Variants in XKR9 observed in about 807,000 individuals in gnomAD.
XKR9 encodes XK-related protein 9.
A neutral mutation model predicts 32.0 loss-of-function variants in XKR9; 32 were observed. That is an observed-to-expected ratio of 1.00 (90% CI 0.76 to 1.34). The LOEUF (loss-of-function observed/expected upper bound fraction) is 1.34, where lower values mean the gene tolerates loss of function less well. Ranked by LOEUF, XKR9 falls within the 40% of genes most tolerant of loss-of-function variation. The probability of loss-of-function intolerance (pLI) is 0.00; values close to 1 mark genes in which losing one functional copy is unlikely to be tolerated. For missense variants in XKR9, 546 were observed against 429.7 expected, an observed-to-expected ratio of 1.27 and a Z score of -2.39; for synonymous variants, 168 against 143.4, an observed-to-expected ratio of 1.17 and a Z score of -1.22.
the XKR9 span, among the ~76,000 whole-genome samples, chr8:70,882,803 C>G: frequency 6.6e-6 from 1 of 151,746 alleles, no homozygotes; most frequent in Non-Finnish European, 1.5e-5. Context: ...CATTAGAGTT[C>G]ATTTTTGCAC....
At chr8:71,048,646 A>C in the XKR9 span, among the ~76,000 whole-genome samples, 1 of 152,242 alleles carries the variant, frequency 6.6e-6, no homozygotes, top group African/African-American at 2.4e-5. Flanking sequence ...TTTGGCCTGA[A>C]AGTCACAATA....
chr8:70,755,041 T>A (rs779244339), intron 2 of XKR9, among the ~76,000 whole-genome samples: 1 of 152,054 alleles, frequency 6.6e-6, no homozygotes, highest in Non-Finnish European at 1.5e-5. Flanking sequence ...ATCCAGAATC[T>A]ACAATGAACT....
the XKR9 span, among the ~76,000 whole-genome samples, chr8:71,053,636 TA>T: frequency 0.59 from 89,959 of 151,976 alleles, 27,637 homozygotes; most frequent in African/African-American, 0.69. Context: ...GAGTTTGTGG[TA>T]AGTAATACCT....
At chr8:70,755,831 A>G (rs1586885146) in intron 2 of XKR9, among the ~76,000 whole-genome samples, 1 of 151,976 alleles carries the variant, frequency 6.6e-6, no homozygotes, top group East Asian at 1.9e-4. Context: ...TAATGGGTGC[A>G]GCACACCAGC....
the XKR9 span, among the ~76,000 whole-genome samples, chr8:70,992,474 C>A: frequency 3.9e-5 from 6 of 152,236 alleles, no homozygotes; most frequent in Admixed American, 2.6e-4. Context: ...TTACTTCAAG[C>A]ATTGTGTTGG....
chr8:70,829,374 C>G, the XKR9 span, among the ~76,000 whole-genome samples: 1 of 152,184 alleles, frequency 6.6e-6, no homozygotes, highest in East Asian at 1.9e-4. Context: ...CAGGACTTAT[C>G]TCAGGTTTAG....
the XKR9 span, among the ~76,000 whole-genome samples, chr8:70,884,783 C>T: frequency 6.6e-6 from 1 of 152,122 alleles, no homozygotes; most frequent in East Asian, 1.9e-4. Context: ...GTCTTCATAA[C>T]TGTAGCTTTA....
chr8:71,032,051 T>C, the XKR9 span, among the ~76,000 whole-genome samples: 7 of 152,170 alleles, frequency 4.6e-5, no homozygotes, highest in African/African-American at 1.2e-4. Context: ...TCCCACACTT[T>C]GGCAGGCTGA....
At chr8:70,846,929 T>C in the XKR9 span, among the ~76,000 whole-genome samples, 1 of 152,002 alleles carries the variant, frequency 6.6e-6, no homozygotes, top group African/African-American at 2.4e-5. Flanking sequence ...AGACAAATCA[T>C]CTAGACAGAA....
At chr8:70,875,465 T>C in the XKR9 span, among the ~76,000 whole-genome samples, 2 of 152,182 alleles carry the variant, frequency 1.3e-5, no homozygotes, top group African/African-American at 4.8e-5. Context: ...TACTGGTGCC[T>C]CCTCAAAGAA....
chr8:70,893,546 A>G, the XKR9 span, among the ~76,000 whole-genome samples: 159 of 152,272 alleles, frequency 1.0e-3, 1 homozygote, highest in Middle Eastern at 6.8e-3. Flanking sequence ...TGGGAAGGTT[A>G]TGGTGGTTCT....
chr8:70,722,036 C>CT (rs930246834), intron 4 of XKR9, among the ~76,000 whole-genome samples: 4 of 152,072 alleles, frequency 2.6e-5, no homozygotes, highest in African/African-American at 9.7e-5. Context: ...GCATTGATCC[C>CT]TTTACCAATA....
chr8:70,840,059 A>G, the XKR9 span, among the ~76,000 whole-genome samples: 1 of 152,122 alleles, frequency 6.6e-6, no homozygotes, highest in African/African-American at 2.4e-5. Context: ...TAGGGTGGGT[A>G]CTTTGAATGT....
At chr8:70,971,740 T>C in the XKR9 span, among the ~76,000 whole-genome samples, 10 of 152,306 alleles carry the variant, frequency 6.6e-5, no homozygotes, top group Non-Finnish European at 1.3e-4. Context: ...CTTTATGTTT[T>C]TGTTTGCTTT....
the XKR9 span, among the ~76,000 whole-genome samples, chr8:70,798,400 T>C: frequency 2.2e-5 from 3 of 136,746 alleles, no homozygotes; most frequent in African/African-American, 7.6e-5. Flanking sequence ...TTTAATGAGG[T>C]AGTTTGGTTT....
At chr8:70,887,847 T>C in the XKR9 span, among the ~76,000 whole-genome samples, 1 of 152,132 alleles carries the variant, frequency 6.6e-6, no homozygotes, top group Non-Finnish European at 1.5e-5. Context: ...GTTTTCTTAA[T>C]ATATAATCAT....
At chr8:70,891,564 A>G in the XKR9 span, among the ~76,000 whole-genome samples, 1 of 151,938 alleles carries the variant, frequency 6.6e-6, no homozygotes, top group African/African-American at 2.4e-5. Context: ...CATTCATAGC[A>G]CATTGTTTAA....
the XKR9 span, among the ~76,000 whole-genome samples, chr8:70,869,918 T>C: frequency 6.6e-6 from 1 of 152,156 alleles, no homozygotes; most frequent in Non-Finnish European, 1.5e-5. Context: ...TGCTTCCAAG[T>C]CACATAACTT....
At chr8:70,868,258 T>C in the XKR9 span, among the ~76,000 whole-genome samples, 201 of 152,256 alleles carry the variant, frequency 1.3e-3, 2 homozygotes, top group Non-Finnish European at 6.5e-4. Flanking sequence ...GGTTCCCCAG[T>C]TGGGACTCTG....
Sources: allele counts gnomAD v4.1 joint callset (sites outside exome capture counted in the v4.1 genomes callset), GRCh38; gene constraint gnomAD v4.1.1; transcripts MANE v1.5; gene names NCBI Gene and HGNC (gene_info 2026-07-23, HGNC 2026-07-21).